Variants in ADH1B observed in about 807,000 individuals in gnomAD.
The protein encoded by ADH1B is alcohol dehydrogenase 1B (class I), beta polypeptide.
Under a neutral mutation model 34.6 loss-of-function variants are expected in ADH1B, and 29 were observed. That is an observed-to-expected ratio of 0.84 (90% CI 0.62 to 1.14). The LOEUF (loss-of-function observed/expected upper bound fraction) is 1.14. ADH1B is among the 50% of genes most tolerant of loss of function. The probability of loss-of-function intolerance (pLI) is 0.00; values close to 1 mark genes in which losing one functional copy is unlikely to be tolerated. For synonymous variants in ADH1B, 170 were observed against 175.5 expected (o/e 0.97, Z 0.25); for missense variants, 424 against 468.4 (o/e 0.91, Z 0.87).
intron 5 of ADH1B, 125 bp downstream of exon 5, chr4:99,315,773 T>G: frequency 8.2e-7 from 1 of 1,219,392 alleles, no homozygotes. Context: ...TCTGGGCCAT[T>G]TTTCTACTCA....
intron 3 of ADH1B, 35 bp downstream of exon 3, chr4:99,318,011 G>A: frequency 6.2e-7 from 1 of 1,609,724 alleles, no homozygotes. Context: ...CCTGGATGGT[G>A]AACCACACGT....
At chr4:99,310,468 T>C (rs531673044) in intron 8 of ADH1B, 2 of 359,106 alleles carry the variant, frequency 5.6e-6, no homozygotes, top group Non-Finnish European at 1.0e-5. Context: ...CTTTTGTTTT[T>C]TTGTGGGGTT....
chr4:99,313,643 T>C (rs113605765), intron 6 of ADH1B, 178 bp downstream of exon 6: 11 of 1,209,722 alleles, frequency 9.1e-6, no homozygotes, highest in African/African-American at 4.6e-5. Flanking sequence ...GTTTGGGTAA[T>C]TGATGGAAGA....
At chr4:99,311,391 ATTTATTTTTGATTTGT>A (rs1168366351) in intron 7 of ADH1B, 114 bp downstream of exon 7, 3 of 1,183,082 alleles carry the variant, frequency 2.5e-6, no homozygotes, top group Non-Finnish European at 3.5e-6. Context: ...AGGAATTTAA[ATTTATTTTTGATTTGT>A]TTTCAAAATC....
rs187446108 is a variant in ADH1B at position 99,307,854 on chromosome 4, C to T, written c.1114G>A (p.Val372Ile). ...TCTCTATTGCCTCAAAACGTCAGGA[C>T]GGTACGGATACTGCAATAGGAAAGA... is the stretch of plus-strand genomic sequence containing the variant. ...LLHSGKSIRT[V>I]LTF Residue 372 changes from valine (V) to isoleucine (I), a missense_variant, in exon 9 of 9, where the codon GTC (valine) becomes ATC (isoleucine). Coordinates refer to ENST00000305046, the MANE Select transcript of ADH1B (RefSeq NM_000668.6). The T allele has an allele frequency of 3.3e-5, 53 of 1,613,852 alleles. No homozygotes were observed. Among genetic ancestry groups the T allele is most frequent in the Middle Eastern group, 3.3e-4 (2 of 6,062 alleles).
chr4:99,308,498 T>TTTAATAA (rs1444126348), intron 8 of ADH1B, among the ~76,000 whole-genome samples: 1 of 151,802 alleles, frequency 6.6e-6, no homozygotes. Context: ...TTGATACGGA[T>TTTAATAA]GTTTAAGGAT....
Position 99,313,833 on chromosome 4 carries a change from C to T in ADH1B, c.816G>A (p.Arg272=), listed in dbSNP as rs1733810532. The change falls in exon 6 of 9, where the codon CGG becomes CGA. Residue 272 remains arginine, a synonymous_variant. Coordinates refer to ENST00000305046, the MANE Select transcript of ADH1B (RefSeq NM_000668.6). ...TCATGGTACATACCATGGTGTCAAG[C>T]CGACCGATGACTTCAAACGAAAAAT... ...GVDFSFEVIG[R]LDTMMASLLC... is the part of the protein sequence containing the mutation. 1 of 1,614,016 alleles carries T rather than the reference C, an allele frequency of 6.2e-7. No homozygotes were observed. The highest frequency in any genetic ancestry group is 1.1e-5 in the South Asian group (1 of 91,082).
At chr4:99,321,088 A>G (rs987441210) in intron 1 of ADH1B, among the ~76,000 whole-genome samples, 1 of 152,212 alleles carries the variant, frequency 6.6e-6, no homozygotes, top group African/African-American at 2.4e-5. Context: ...GGAAATAAAG[A>G]CTAATAGACA....
At chr4:99,315,833 T>C in intron 5 of ADH1B, 65 bp downstream of exon 5, 2 of 1,583,108 alleles carry the variant, frequency 1.3e-6, no homozygotes, top group Non-Finnish European at 1.7e-6. Context: ...TTGCAAGAAA[T>C]TGCTTCCCTT....
Position 99,318,153 on chromosome 4 carries a change from T to C in ADH1B, c.152A>G (p.Asp51Gly). 1 of 1,614,134 alleles carries C rather than the reference T, an allele frequency of 6.2e-7. No homozygotes were observed. Among genetic ancestry groups the C allele is most frequent in the Non-Finnish European group, 8.5e-7 (1 of 1,180,006 alleles). Residue 51 changes from aspartate (D) to glycine (G), a missense_variant, in exon 3 of 9, where the codon GAC becomes GGC. Transcript: ENST00000305046. ...CACCAGGTTGCCACTAACCACGTGG[T>C]CATCTGTGTGACAGATTCCTACAGC... ...MVAVGICHTD[D>G]HVVSGNLVTP...
intron 1 of ADH1B, chr4:99,320,630 C>T (rs970275619): frequency 2.5e-5 from 7 of 283,876 alleles, no homozygotes; most frequent in Non-Finnish European, 1.7e-5. Flanking sequence ...CTAAGTGATT[C>T]AAATTGTATT....
intron 1 of ADH1B, chr4:99,319,422 T>C (rs1360613357): frequency 1.9e-5 from 3 of 159,580 alleles, no homozygotes; most frequent in African/African-American, 7.2e-5. Context: ...TAATTTTCTC[T>C]CTCCACTACT....
rs924277527 is a variant in ADH1B, at chr4:99,305,935, T to C, written c.*1905A>G. On this transcript the variant is annotated 3_prime_UTR_variant, in exon 9 of 9. Transcript: ENST00000305046. ...AAGCCGCAGAGCACCCAGCAACAGG[T>C]AGTGTCCCATGATGATGTTATCTTA... 2.0e-5 allele frequency: 3 copies of C among 152,152 alleles called. No individual in the cohort carries two copies. The highest frequency in any genetic ancestry group is 7.2e-5 in the African/African-American group (3 of 41,436). The allele number at this position is 152,152 out of a possible 1,614,324, so 9.4% of individuals were successfully genotyped here.
chr4:99,318,792 C>A lies in ADH1B; in HGVS notation c.113G>T (p.Arg38Leu), dbSNP rs777100313. The change falls in exon 2 of 9, where the codon CGC becomes CTC. Residue 38 changes from arginine to leucine, a missense_variant. Physicochemically the swap from Arg to Leu is moderately radical, Grantham distance 102. This residue lies in a region of ADH1B where 291 missense variants were observed against 300.4 expected (regional missense o/e 0.97). Coordinates refer to ENST00000305046, the MANE Select transcript of ADH1B (RefSeq NM_000668.6). Reference protein sequence around the residue: ...EVAPPKAYEVRIKMVAVGICH... With the variant: ...EVAPPKAYEVLIKMVAVGICH... ...AATGGAAAAATATTTCACCTTAATG[C>A]GAACTTCATAAGCCTTAGGAGGTGC... 8 of 1,610,000 alleles carry A rather than the reference C, an allele frequency of 5.0e-6. No individual in the cohort carries two copies. Among genetic ancestry groups the A allele is most frequent in the South Asian group, 4.4e-5 (4 of 90,196 alleles).
At chr4:99,314,733 T>C (rs1237188285) in intron 5 of ADH1B, 1 of 152,424 alleles carries the variant, frequency 6.6e-6, no homozygotes, top group East Asian at 1.9e-4. Context: ...TCTATTGTTA[T>C]GAGTATCCTC....
chr4:99,314,298 T>A, intron 5 of ADH1B: 1 of 731,132 alleles, frequency 1.4e-6, no homozygotes, highest in Non-Finnish European at 2.2e-6. Flanking sequence ...TAGATTCATC[T>A]GGGGAGCTTT....
In ADH1B at chr4:99,316,233, T is replaced by C; in HGVS notation, c.329A>G (p.Asn110Ser). The C allele has an allele frequency of 6.2e-7, 1 of 1,614,190 alleles. No homozygotes were observed. Among genetic ancestry groups the C allele is most frequent in the Non-Finnish European group, 8.5e-7 (1 of 1,180,032 alleles). ...KCRVCKNPES[N>S]YCLKNDLGNP... is the part of the protein sequence containing the mutation. ...AACCTACTCATTTTTCAAGCAGTAG[T>C]TGCTCTCCGGGTTTTTACAAACTCT... is the stretch of plus-strand genomic sequence containing the variant. Residue 110 changes from asparagine to serine, a missense_variant, in exon 4 of 9, where the codon AAC becomes AGC. By Grantham distance (46) the Asn-to-Ser change is conservative (BLOSUM62 1). Around this residue, in one of 3 missense-constraint regions of ADH1B, gnomAD observed 291 missense variants for 300.4 expected, o/e 0.97. Coordinates refer to ENST00000305046, the MANE Select transcript of ADH1B (RefSeq NM_000668.6).
chr4:99,311,769 G>T lies in ADH1B; in HGVS notation c.829-113C>A, dbSNP rs147870968. On this transcript the variant is annotated intron_variant, in intron 6 of 8. Transcript: ENST00000305046. The stretch of plus-strand genomic sequence containing the variant: ...GGATTGTGAGTGTGTAGAGGGAAGA[G>T]ATCATGTCTTTTGATCCTTCATTCC... 4.1e-6 allele frequency: 6 copies of T among 1,449,984 alleles called. No individual in the cohort carries two copies. In the Admixed American group the frequency reaches 6.0e-5, roughly 15 times the overall value. The allele number at this position is 1,449,984 out of a possible 1,614,324, so 89.8% of individuals were successfully genotyped here.
In ADH1B at chr4:99,307,620, C is replaced by T; in HGVS notation, c.*220G>A. ...AAGGAAGGTTTGTTGGCTTCAATTC[C>T]CCAGCTGATGTTCAACACTTTATTT... On this transcript the variant is annotated 3_prime_UTR_variant, in exon 9 of 9. Transcript: ENST00000305046. 1.6e-6 allele frequency: 1 copy of T among 606,376 alleles called. No individual in the cohort carries two copies. The highest frequency in any genetic ancestry group is 2.9e-6 in the Non-Finnish European group (1 of 348,510). The allele number at this position is 606,376 out of a possible 1,614,324, so 37.6% of individuals were successfully genotyped here.
Sources: allele counts gnomAD v4.1 joint callset (sites outside exome capture counted in the v4.1 genomes callset), GRCh38; gene constraint gnomAD v4.1.1; regional missense constraint gnomAD v4.1.1; transcripts MANE v1.5; gene names NCBI Gene and HGNC (gene_info 2026-07-23, HGNC 2026-07-21).